The following STARD13 variants were observed in gnomAD, a reference collection of about 807,000 sequenced individuals.
STARD13 encodes the protein StAR related lipid transfer domain containing 13, also known as stAR-related lipid transfer protein 13.
In STARD13, 62 loss-of-function variants were observed where a neutral mutation model predicts 106.4. That is an observed-to-expected ratio of 0.58 (90% CI 0.48 to 0.72). The LOEUF (loss-of-function observed/expected upper bound fraction) is 0.72, where lower values mean the gene tolerates loss of function less well. Ranked by LOEUF, STARD13 falls within the 30% of genes least tolerant of loss-of-function variation. The pLI is 0.00. For synonymous variants in STARD13, 565 were observed against 553.0 expected (o/e 1.02, Z -0.31); for missense variants, 1,387 against 1,424.0 (o/e 0.97, Z 0.42).
chr13:33,461,813 C>T, the STARD13 span, among the ~76,000 whole-genome samples: 1 of 152,016 alleles, frequency 6.6e-6, no homozygotes, highest in Non-Finnish European at 1.5e-5. Context: ...AATAGACACA[C>T]TTTTTAGAAT....
intron 1 of STARD13, among the ~76,000 whole-genome samples, chr13:33,275,395 C>T (rs755251824): frequency 6.6e-6 from 1 of 152,178 alleles, no homozygotes; most frequent in Non-Finnish European, 1.5e-5. Flanking sequence ...TTAAATTGAG[C>T]ACTTAGTATG....
upstream of STARD13, among the ~76,000 whole-genome samples, chr13:33,287,290 C>G (rs899203347): frequency 6.6e-6 from 1 of 152,202 alleles, no homozygotes; most frequent in Non-Finnish European, 1.5e-5. Flanking sequence ...TTCTGAGAAG[C>G]AGCTCGTCTT....
In STARD13 at chr13:33,126,059, A is replaced by G. The variant is rs570288123; in HGVS notation, c.2082+22T>C. 53 of 1,610,680 alleles carry G rather than the reference A, an allele frequency of 3.3e-5. No individual in the cohort carries two copies. In the South Asian group the frequency reaches 4.1e-4, roughly 12 times the overall value. ...CCATGGTTGGGGGTGGTGGGGCAGC[A>G]GCGGGGGGGTTACAGCCCTACCTGA... On this transcript the variant is annotated intron_variant, in intron 7 of 13. Coordinates refer to ENST00000336934, the MANE Select transcript of STARD13 (RefSeq NM_178006.4).
intron 1 of STARD13, among the ~76,000 whole-genome samples, chr13:33,291,309 T>C (rs562424584): frequency 4.6e-5 from 7 of 152,346 alleles, no homozygotes; most frequent in African/African-American, 1.4e-4. Context: ...GTAAGAATGT[T>C]TTTGTGTAGT....
chr13:33,141,859 T>C (rs887133374), intron 4 of STARD13, among the ~76,000 whole-genome samples: 1 of 150,922 alleles, frequency 6.6e-6, no homozygotes, highest in Non-Finnish European at 1.5e-5. Flanking sequence ...CACCGAGATA[T>C]TTTACATCTT....
At chr13:33,638,905 T>G in the STARD13 span, among the ~76,000 whole-genome samples, 1 of 152,230 alleles carries the variant, frequency 6.6e-6, no homozygotes. Flanking sequence ...TGGTTATGTT[T>G]TATTTATTCA....
chr13:33,492,382 C>T, the STARD13 span, among the ~76,000 whole-genome samples: 2 of 152,266 alleles, frequency 1.3e-5, no homozygotes, highest in African/African-American at 4.8e-5. Flanking sequence ...GCAACTCCAT[C>T]TTGAATAGGG....
chr13:33,324,665 G>A (rs1293290137), intron 1 of STARD13, among the ~76,000 whole-genome samples: 1 of 152,072 alleles, frequency 6.6e-6, no homozygotes, highest in Admixed American at 6.5e-5. Context: ...ATTGCTTTCT[G>A]TTTTTCACTC....
At chr13:33,528,255 TAC>T in the STARD13 span, among the ~76,000 whole-genome samples, 12 of 128,902 alleles carry the variant, frequency 9.3e-5, no homozygotes, top group African/African-American at 3.5e-4. Context: ...TATATATATA[TAC>T]ATATATATAT....
chr13:33,129,149 C>G lies in STARD13; in HGVS notation c.1528G>C (p.Glu510Gln). 6.2e-7 allele frequency: 1 copy of G among 1,614,188 alleles called. No homozygotes were observed. The highest frequency in any genetic ancestry group is 8.5e-7 in the Non-Finnish European group (1 of 1,180,030). ...VDDWSKDVLP[E>Q]LQTHDTLVGE... is the part of the protein sequence containing the mutation. Reference sequence around the variant, plus strand: ...ACCAATGTATCATGAGTTTGCAGTTCAGGCAAGACATCTTTGGACCAGTCA... The same window carrying G: ...ACCAATGTATCATGAGTTTGCAGTTGAGGCAAGACATCTTTGGACCAGTCA... Residue 510 changes from glutamate to glutamine, a missense_variant, in exon 5 of 14, where the codon GAA becomes CAA. Glu to Gln is a conservative substitution (Grantham distance 29). Coordinates refer to ENST00000336934, the MANE Select transcript of STARD13 (RefSeq NM_178006.4).
chr13:33,321,033 T>C (rs1893540784), intron 1 of STARD13, among the ~76,000 whole-genome samples: 2 of 152,196 alleles, frequency 1.3e-5, no homozygotes, highest in Admixed American at 6.5e-5. Context: ...ATGGAGATCA[T>C]TCAATATTGT....
the STARD13 span, among the ~76,000 whole-genome samples, chr13:33,384,665 A>G: frequency 6.6e-6 from 1 of 152,182 alleles, no homozygotes; most frequent in Non-Finnish European, 1.5e-5. Context: ...AAACTACTCT[A>G]ATGGTTTAGT....
At chr13:33,606,004 G>A in the STARD13 span, among the ~76,000 whole-genome samples, 1 of 152,084 alleles carries the variant, frequency 6.6e-6, no homozygotes, top group Non-Finnish European at 1.5e-5. Flanking sequence ...TGCCTCAACT[G>A]AAAAAAGGTG....
At chr13:33,201,914 TTTTA>T (rs1417023954) in intron 1 of STARD13, among the ~76,000 whole-genome samples, 1 of 152,004 alleles carries the variant, frequency 6.6e-6, no homozygotes, top group Admixed American at 6.5e-5. Context: ...TCTTAAGAAT[TTTTA>T]TTTGATTATA....
chr13:33,176,767 A>G (rs1039152658), intron 1 of STARD13, among the ~76,000 whole-genome samples: 1 of 152,186 alleles, frequency 6.6e-6, no homozygotes, highest in African/African-American at 2.4e-5. Flanking sequence ...TCATGCTACA[A>G]TCTAAACACA....
chr13:33,636,171 A>G, the STARD13 span, among the ~76,000 whole-genome samples: 1 of 151,232 alleles, frequency 6.6e-6, no homozygotes, highest in Non-Finnish European at 1.5e-5. Flanking sequence ...AGCACATAGC[A>G]GAACTTAGCA....
At chr13:33,427,726 C>T in the STARD13 span, among the ~76,000 whole-genome samples, 5 of 152,160 alleles carry the variant, frequency 3.3e-5, no homozygotes, top group East Asian at 1.9e-4. Context: ...GAGGCCGAGG[C>T]GGGCGGATCA....
chr13:33,154,110 C>T (rs1881649918), intron 3 of STARD13, among the ~76,000 whole-genome samples: 1 of 152,184 alleles, frequency 6.6e-6, no homozygotes, highest in Non-Finnish European at 1.5e-5. Flanking sequence ...TGGTATGTAA[C>T]TCCATGAGGG....
chr13:33,516,927 C>G, the STARD13 span, among the ~76,000 whole-genome samples: 2 of 117,668 alleles, frequency 1.7e-5, no homozygotes, highest in African/African-American at 6.9e-5. Context: ...GGCAACAGAG[C>G]AAGACCTTGT....
Sources: gnomAD v4.1 joint callset for allele counts (sites outside exome capture counted in the v4.1 genomes callset) on GRCh38, gnomAD v4.1.1 for gene constraint, MANE v1.5 for transcripts, NCBI Gene and HGNC (gene_info 2026-07-23, HGNC 2026-07-21) for gene names.